NOL9: variants seen among roughly 807,000 people sequenced by gnomAD.
NOL9 encodes the protein nucleolar protein 9, also known as polynucleotide 5'-hydroxyl-kinase NOL9.
In NOL9, 28 loss-of-function variants were observed where a neutral mutation model predicts 67.9. The observed-to-expected ratio is 0.41, with a 90% confidence interval of 0.31 to 0.57. The LOEUF is 0.57. NOL9 is among the 20% of genes least tolerant of loss of function. NOL9 has a pLI of 0.25. For missense variants in NOL9, 777 were observed against 897.0 expected, an observed-to-expected ratio of 0.87 and a Z score of 1.71; for synonymous variants, 356 against 352.2, an observed-to-expected ratio of 1.01 and a Z score of -0.12.
At chr1:6,553,009 A>G (rs1210216589) in intron 1 of NOL9, among the ~76,000 whole-genome samples, 1 of 151,744 alleles carries the variant, frequency 6.6e-6, no homozygotes, top group Non-Finnish European at 1.5e-5. Flanking sequence ...ATGAGGTTTC[A>G]CCATGTTGGT....
Position 6,521,603 on chromosome 1 carries a change from C to A in NOL9, c.*4251G>T, listed in dbSNP as rs536310021. The A allele has an allele frequency of 1.3e-5, 2 of 152,124 alleles. No homozygotes were observed. The highest frequency in any genetic ancestry group is 4.8e-5 in the African/African-American group (2 of 41,398). The allele number at this position is 152,124 out of a possible 1,614,324, so 9.4% of individuals were successfully genotyped here. A position where few individuals can be genotyped will look rare whatever the true frequency, so the allele number is the denominator to read the frequency against. ...TCAGGAATGGGTTATCTATGGTGGC[C>A]GTGGAGCTTGCTTCCTCAAGGGCTC... On this transcript the variant is annotated 3_prime_UTR_variant, in exon 12 of 12. Transcript: ENST00000377705.
intron 10 of NOL9, among the ~76,000 whole-genome samples, chr1:6,527,363 AT>A (rs1638911870): frequency 6.6e-6 from 1 of 151,728 alleles, no homozygotes; most frequent in African/African-American, 2.4e-5. Context: ...AAAGTCCTAG[AT>A]TGGGCCAGCT....
intron 7 of NOL9, 32 bp downstream of exon 7, chr1:6,533,248 C>G: frequency 3.9e-6 from 6 of 1,544,100 alleles, no homozygotes; most frequent in Non-Finnish European, 5.3e-6. Flanking sequence ...ACTGCCTGTC[C>G]TTCCCTTGCA....
At position 6,522,198 on chromosome 1, in the gene NOL9, T is replaced by C. The variant is rs988264944; in HGVS notation, c.*3656A>G. 6.6e-6 allele frequency: 1 copy of C among 151,608 alleles called. No individual in the cohort carries two copies. The highest frequency in any genetic ancestry group is 1.5e-5 in the Non-Finnish European group (1 of 67,910). The allele number at this position is 151,608 out of a possible 1,614,324, so 9.4% of individuals were successfully genotyped here. ...ATCTCTACTAAAAATACAAAAAAAA[T>C]TAGCTAGTGTAGTGGCGGGCGCCTG... On this transcript the variant is annotated 3_prime_UTR_variant, in exon 12 of 12. Transcript: ENST00000377705.
At position 6,522,325 on chromosome 1, in the gene NOL9, G is replaced by A. The variant is rs955016868; in HGVS notation, c.*3529C>T. ...AACACCTTGGGAGGCCAAGGCAGGCGGATCCCCTGAGGTTGGAAGTTCGAG... is the reference window on the plus strand; with the variant it reads ...AACACCTTGGGAGGCCAAGGCAGGCAGATCCCCTGAGGTTGGAAGTTCGAG... On this transcript the variant is annotated 3_prime_UTR_variant, in exon 12 of 12. Coordinates refer to ENST00000377705, the MANE Select transcript of NOL9 (RefSeq NM_024654.5). 8 of 152,148 alleles carry A rather than the reference G, an allele frequency of 5.3e-5. No individual in the cohort carries two copies. The highest frequency in any genetic ancestry group is 1.3e-4 in the Admixed American group (2 of 15,256). 9.4% of individuals were successfully genotyped at this position (152,148 alleles called of 1,614,324 possible). A position where few individuals can be genotyped will look rare whatever the true frequency, so the allele number is the denominator to read the frequency against.
At chr1:6,536,123 G>C (rs2148654582) in intron 6 of NOL9, among the ~76,000 whole-genome samples, 1 of 152,092 alleles carries the variant, frequency 6.6e-6, no homozygotes. Flanking sequence ...GAGGCGGATG[G>C]ATCACCAGGT....
chr1:6,533,148 C>T, intron 7 of NOL9, 132 bp downstream of exon 7: 2 of 911,430 alleles, frequency 2.2e-6, no homozygotes, highest in Non-Finnish European at 3.2e-6. Flanking sequence ...GCACTCCAGC[C>T]TGGGCGACAG....
intron 3 of NOL9, chr1:6,547,924 C>T (rs1012248256): frequency 2.3e-5 from 5 of 213,554 alleles, no homozygotes; most frequent in South Asian, 6.2e-5. Flanking sequence ...TTTGACACAC[C>T]GTCATAGGCT....
At chr1:6,527,521 C>T (rs1285203813) in intron 10 of NOL9, among the ~76,000 whole-genome samples, 3 of 151,868 alleles carry the variant, frequency 2.0e-5, no homozygotes. Context: ...GTGGCGCGCA[C>T]CTGTAATCCC....
chr1:6,544,019 G>A (rs970502696), intron 5 of NOL9, among the ~76,000 whole-genome samples: 7 of 152,164 alleles, frequency 4.6e-5, no homozygotes, highest in Middle Eastern at 3.4e-3. Context: ...CCAGCTACTC[G>A]GGAGGCTGAG....
intron 6 of NOL9, among the ~76,000 whole-genome samples, chr1:6,538,720 T>C (rs955395676): frequency 3.3e-5 from 5 of 150,476 alleles, no homozygotes; most frequent in Non-Finnish European, 5.9e-5. Context: ...TGGTGGCTCA[T>C]GCCTGTAATC....
At chr1:6,553,914 G>A (rs941852987) in intron 1 of NOL9, among the ~76,000 whole-genome samples, 193 bp downstream of exon 1, 9 of 152,284 alleles carry the variant, frequency 5.9e-5, no homozygotes, top group African/African-American at 2.2e-4. Flanking sequence ...GGACCCCTTA[G>A]CAGGGTACCT....
At chr1:6,551,741 T>C (rs1202772011) in intron 1 of NOL9, among the ~76,000 whole-genome samples, 2 of 151,816 alleles carry the variant, frequency 1.3e-5, no homozygotes, top group Non-Finnish European at 2.9e-5. Flanking sequence ...GTACAGAAAA[T>C]CAAATATCGG....
chr1:6,549,944 T>C (rs1487826419), intron 2 of NOL9, among the ~76,000 whole-genome samples: 1 of 152,156 alleles, frequency 6.6e-6, no homozygotes, highest in Admixed American at 6.6e-5. Context: ...GTGATAACAA[T>C]AGTACTTTCA....
chr1:6,537,460 G>A (rs527737987), intron 6 of NOL9, among the ~76,000 whole-genome samples: 1 of 152,294 alleles, frequency 6.6e-6, no homozygotes, highest in Admixed American at 6.5e-5. Flanking sequence ...GAAAACATCT[G>A]TAAATCATCC....
rs750580037 is a variant in NOL9 at position 6,545,154 on chromosome 1, T to C, written c.771A>G (p.Glu257=). ...QESPTPQIKP[E]YLALRSVGIR... ...TGCCAACAGACCTCAAGGCTAAATA[T>C]TCAGGTTTAATCTGGGGAGTTGGAC... The change falls in exon 4 of 12, where the codon GAA becomes GAG. Residue 257 remains glutamate (E), a synonymous_variant. Coordinates refer to ENST00000377705, the MANE Select transcript of NOL9 (RefSeq NM_024654.5). The C allele has an allele frequency of 8.1e-6, 13 of 1,613,896 alleles. No individual in the cohort carries two copies. The highest frequency in any genetic ancestry group is 8.5e-6 in the Non-Finnish European group (10 of 1,179,986).
At chr1:6,529,704 T>C (rs1033536659) in intron 9 of NOL9, among the ~76,000 whole-genome samples, 1 of 152,064 alleles carries the variant, frequency 6.6e-6, no homozygotes, top group African/African-American at 2.4e-5. Flanking sequence ...GGTGGGTTGA[T>C]CACTTGAGGT....
At chr1:6,538,441 G>A (rs1245121821) in intron 6 of NOL9, among the ~76,000 whole-genome samples, 1 of 152,200 alleles carries the variant, frequency 6.6e-6, no homozygotes, top group Admixed American at 6.5e-5. Context: ...AGGAGGCCAA[G>A]CAGGTGGATC....
Position 6,554,045 on chromosome 1 carries a change from C to A in NOL9, c.396+62G>T. 2.2e-6 allele frequency: 3 copies of A among 1,386,940 alleles called. No individual in the cohort carries two copies. In the South Asian group the frequency reaches 4.0e-5, roughly 19 times the overall value. 85.9% of individuals were successfully genotyped at this position (1,386,940 alleles called of 1,614,324 possible). On this transcript the variant is annotated intron_variant, in intron 1 of 11. Coordinates refer to ENST00000377705, the MANE Select transcript of NOL9 (RefSeq NM_024654.5). ...CGGTCCTCTCCTACCCTGCAGCTCTCCCGGGGCTGCCTCTCCAGCCCTCCC... is the reference window on the plus strand; with the variant it reads ...CGGTCCTCTCCTACCCTGCAGCTCTACCGGGGCTGCCTCTCCAGCCCTCCC...
Sources: allele counts gnomAD v4.1 joint callset (sites outside exome capture counted in the v4.1 genomes callset), GRCh38; gene constraint gnomAD v4.1.1; transcripts MANE v1.5; gene names NCBI Gene and HGNC (gene_info 2026-07-23, HGNC 2026-07-21).